The following XYLB variants were observed in gnomAD, a reference collection of about 807,000 sequenced individuals.
XYLB encodes the protein xylulokinase.
Under a neutral mutation model 78.7 loss-of-function variants are expected in XYLB, and 62 were observed. The observed-to-expected ratio is 0.79, with a 90% CI of 0.64 to 0.97. XYLB has a LOEUF of 0.97. XYLB is among the 50% of genes least tolerant of loss of function. The pLI is 0.00. For synonymous variants in XYLB, 245 were observed against 247.4 expected, an observed-to-expected ratio of 0.99 and a Z score of 0.09; for missense variants, 687 against 676.8, an observed-to-expected ratio of 1.02 and a Z score of -0.17.
At position 38,392,506 on chromosome 3, in the gene XYLB, A is replaced by G. The variant is rs531553481; in HGVS notation, c.1292-2999A>G. Among the ~76,000 whole-genome samples the G allele has an allele frequency of 3.0e-4, 46 of 152,238 alleles. 1 individual carries two copies. The Middle Eastern group carries it at 0.02, about 68-fold the overall frequency. On this transcript the variant is annotated intron_variant, in intron 15 of 18. Transcript: ENST00000207870. ...GAGATGGGATTTCACCATGTTGGCC[A>G]GGCTGATCTCAAACTCCTGACCTCA... is the stretch of plus-strand genomic sequence containing the variant.
At chr3:38,360,524 T>C in intron 3 of XYLB, 116 bp downstream of exon 3, 1 of 859,692 alleles carries the variant, frequency 1.2e-6, no homozygotes, top group South Asian at 1.7e-5. Context: ...TGTCACCAGG[T>C]CCTCATGGGA....
chr3:38,442,720 A>ATTTT, the XYLB span, among the ~76,000 whole-genome samples: 261 of 99,012 alleles, frequency 2.6e-3, 3 homozygotes, highest in African/African-American at 5.0e-3. Context: ...GGACTGCTGC[A>ATTTT]TTTTTTTTTT....
the XYLB span, chr3:38,452,095 T>A: frequency 6.6e-6 from 1 of 152,368 alleles, no homozygotes; most frequent in African/African-American, 2.4e-5. Context: ...ACTTCCGTTA[T>A]CACAGTCTAT....
At chr3:38,411,563 G>C (rs1279106108) in intron 18 of XYLB, among the ~76,000 whole-genome samples, 1 of 151,148 alleles carries the variant, frequency 6.6e-6, no homozygotes. Flanking sequence ...TGCCAGAACT[G>C]CAATTTACTC....
At chr3:38,352,554 C>T (rs547254331) in intron 2 of XYLB, among the ~76,000 whole-genome samples, 92 of 152,292 alleles carry the variant, frequency 6.0e-4, no homozygotes, top group African/African-American at 2.2e-3. Flanking sequence ...AGCCTGTAAT[C>T]CTAGCACTTT....
chr3:38,411,994 T>G (rs557599901), intron 18 of XYLB, among the ~76,000 whole-genome samples: 1 of 151,198 alleles, frequency 6.6e-6, no homozygotes, highest in East Asian at 1.9e-4. Context: ...CTTTTTTTTT[T>G]TTTTTCTTTT....
Position 38,379,349 on chromosome 3 carries a change from G to A in XYLB, c.1291+7G>A. The A allele has an allele frequency of 6.2e-7, 1 of 1,614,000 alleles. No individual in the cohort carries two copies. The highest frequency in any genetic ancestry group is 8.5e-7 in the Non-Finnish European group (1 of 1,179,976). On this transcript the variant is annotated splice_region_variant and intron_variant, in intron 15 of 18. Transcript: ENST00000207870. ...GGCCTGGGCTATCGAGTCAGTAAGT[G>A]AGCCACTGGCAGCATGTGTCCCGGG...
intron 2 of XYLB, among the ~76,000 whole-genome samples, chr3:38,351,062 G>C (rs6771715): frequency 0.032 from 4,810 of 150,988 alleles, 113 homozygotes; most frequent in African/African-American, 0.062. Flanking sequence ...ATCCTAGCTA[G>C]CTGGGAGGCT....
At chr3:38,436,609 A>G in the XYLB span, among the ~76,000 whole-genome samples, 2 of 152,214 alleles carry the variant, frequency 1.3e-5, no homozygotes, top group African/African-American at 2.4e-5. Context: ...AGAAAAGGCC[A>G]CAGCAAAAAA....
chr3:38,346,877 G>T lies in XYLB; in HGVS notation c.9G>T (p.Glu3Asp), dbSNP rs775594212. The T allele has an allele frequency of 2.6e-6, 4 of 1,520,848 alleles. No homozygotes were observed. In the African/African-American group the frequency reaches 4.3e-5, roughly 16 times the overall value. The allele number at this position is 1,520,848 out of a possible 1,614,324, so 94.2% of individuals were successfully genotyped here. The change falls in exon 1 of 19, where the codon GAG becomes GAT. Residue 3 changes from glutamate to aspartate, a missense_variant. By Grantham distance (45) the Glu-to-Asp change is conservative. Transcript: ENST00000207870. ...GCCTTACCCGAAAGGCCATGGCGGA[G>T]CACGCCCCTCGCCGCTGCTGCCTGG... The part of the protein sequence containing the change: MA[E>D]HAPRRCCLGW...
At chr3:38,360,051 A>G (rs1705883267) in intron 2 of XYLB, among the ~76,000 whole-genome samples, 1 of 152,094 alleles carries the variant, frequency 6.6e-6, no homozygotes, top group Non-Finnish European at 1.5e-5. Context: ...GAGGGATTTT[A>G]TAATCCAACA....
downstream of XYLB, among the ~76,000 whole-genome samples, chr3:38,416,801 T>G (rs1270923810): frequency 6.6e-6 from 1 of 152,222 alleles, no homozygotes; most frequent in Non-Finnish European, 1.5e-5. Context: ...GAGCTTCAGT[T>G]ATCTGGTTTG....
chr3:38,440,064 T>C, the XYLB span, among the ~76,000 whole-genome samples: 1 of 152,196 alleles, frequency 6.6e-6, no homozygotes, highest in African/African-American at 2.4e-5. Context: ...GTAGATAAAC[T>C]GGCGATTCTG....
chr3:38,370,019 T>TC, intron 8 of XYLB, 37 bp from the exon 9 acceptor site: 1 of 1,582,318 alleles, frequency 6.3e-7, no homozygotes, highest in Non-Finnish European at 8.7e-7. Flanking sequence ...AGGTCCATTT[T>TC]CAAGATTGTC....
chr3:38,420,421 C>T (rs565009604), exon 18 of XYLB, among the ~76,000 whole-genome samples: 75 of 152,300 alleles, frequency 4.9e-4, no homozygotes, highest in East Asian at 1.7e-3. Context: ...TGTGTGAATA[C>T]GCCCTCCATC....
At chr3:38,393,138 A>G (rs566909580) in intron 15 of XYLB, among the ~76,000 whole-genome samples, 1 of 149,610 alleles carries the variant, frequency 6.7e-6, no homozygotes, top group Non-Finnish European at 1.5e-5. Context: ...CTTTCTCTGT[A>G]CTCCCTTTCA....
the XYLB span, among the ~76,000 whole-genome samples, chr3:38,434,081 C>T: frequency 1.3e-5 from 2 of 152,146 alleles, no homozygotes; most frequent in Non-Finnish European, 2.9e-5. Context: ...GGTGGGGAAG[C>T]CCCTTATAAA....
chr3:38,378,778 C>T (rs1265773006), intron 14 of XYLB, among the ~76,000 whole-genome samples: 2 of 149,768 alleles, frequency 1.3e-5, no homozygotes, highest in Non-Finnish European at 3.0e-5. Context: ...GAAGGACATG[C>T]CACAGGGGTG....
chr3:38,350,219 T>C (rs762889401), intron 2 of XYLB, among the ~76,000 whole-genome samples: 8 of 152,214 alleles, frequency 5.3e-5, no homozygotes, highest in Non-Finnish European at 7.3e-5. Context: ...CCCCAGCTAA[T>C]GCGGCCCCAT....
Sources: allele counts gnomAD v4.1 joint callset (sites outside exome capture counted in the v4.1 genomes callset), GRCh38; gene constraint gnomAD v4.1.1; transcripts MANE v1.5; gene names NCBI Gene and HGNC (gene_info 2026-07-23, HGNC 2026-07-21).